Variants in SLIT2 observed in about 807,000 individuals in gnomAD.
SLIT2 encodes the protein slit homolog 2 protein.
In SLIT2, 41 loss-of-function variants were observed where a neutral mutation model predicts 185.7. The ratio of observed to expected loss-of-function variants is 0.22; its 90% CI spans 0.17 to 0.29. The LOEUF is 0.29. SLIT2 is among the 10% of genes least tolerant of loss of function. The probability of loss-of-function intolerance (pLI) is 1.00; values close to 1 mark genes in which losing one functional copy is unlikely to be tolerated. For synonymous variants in SLIT2, 693 were observed against 680.2 expected, an observed-to-expected ratio of 1.02 and a Z score of -0.29; for missense variants, 1,571 against 1,909.0, an observed-to-expected ratio of 0.82 and a Z score of 3.30.
chr4:20,349,317 T>G (rs1442943079), intron 4 of SLIT2, among the ~76,000 whole-genome samples: 1 of 152,218 alleles, frequency 6.6e-6, no homozygotes, highest in Non-Finnish European at 1.5e-5. Context: ...AATATTTTTG[T>G]TTCCATCTTA....
intron 4 of SLIT2, among the ~76,000 whole-genome samples, chr4:20,454,829 G>T (rs946046071): frequency 1.3e-5 from 2 of 152,020 alleles, no homozygotes; most frequent in Non-Finnish European, 2.9e-5. Flanking sequence ...ACCATACGTC[G>T]TGGGCAATAA....
intron 4 of SLIT2, among the ~76,000 whole-genome samples, chr4:20,420,326 T>G (rs1372592692): frequency 6.6e-6 from 1 of 152,208 alleles, no homozygotes; most frequent in Admixed American, 6.5e-5. Context: ...AGAATCATGT[T>G]GTACTTACAG....
intron 4 of SLIT2, among the ~76,000 whole-genome samples, chr4:20,327,986 A>G (rs1719741260): frequency 6.6e-6 from 1 of 152,034 alleles, no homozygotes. Flanking sequence ...TTTAGAGCAT[A>G]TTCTACATCA....
At chr4:20,618,723 A>G (rs1729866870) in intron 36 of SLIT2, 45 bp from the exon 37 acceptor site, 1 of 1,540,376 alleles carries the variant, frequency 6.5e-7, no homozygotes, top group Admixed American at 1.8e-5. Context: ...TGCATGACTT[A>G]CAGTGACTGT....
chr4:20,441,985 TAAAA>T (rs894240124), intron 4 of SLIT2, among the ~76,000 whole-genome samples: 1 of 152,070 alleles, frequency 6.6e-6, no homozygotes, highest in Non-Finnish European at 1.5e-5. Context: ...GTAGCTACAA[TAAAA>T]AACATTTAAT....
At chr4:20,471,649 C>A (rs972906395) in intron 5 of SLIT2, among the ~76,000 whole-genome samples, 1 of 152,142 alleles carries the variant, frequency 6.6e-6, no homozygotes. Context: ...ACATTCAGGC[C>A]TTAGAGCAAA....
chr4:20,422,840 C>T (rs997216126), intron 4 of SLIT2, among the ~76,000 whole-genome samples: 4 of 151,168 alleles, frequency 2.6e-5, no homozygotes, highest in Non-Finnish European at 4.4e-5. Flanking sequence ...AAATAGAGGT[C>T]GGAGTGAAGT....
chr4:20,376,684 T>G (rs897456809), intron 4 of SLIT2, among the ~76,000 whole-genome samples: 1 of 152,150 alleles, frequency 6.6e-6, no homozygotes, highest in Non-Finnish European at 1.5e-5. Flanking sequence ...GGAGTATTCC[T>G]GGGCAGCCAT....
chr4:20,608,438 A>AT (rs1162095178), intron 33 of SLIT2, among the ~76,000 whole-genome samples: 1 of 152,074 alleles, frequency 6.6e-6, no homozygotes, highest in African/African-American at 2.4e-5. Flanking sequence ...TTATAAAATA[A>AT]TTTTCTGGTC....
At chr4:20,260,544 ATTACATTT>A (rs1271299480) in intron 3 of SLIT2, among the ~76,000 whole-genome samples, 1 of 151,822 alleles carries the variant, frequency 6.6e-6, no homozygotes, top group Non-Finnish European at 1.5e-5. Flanking sequence ...ATAATTCTAA[ATTACATTT>A]TGTGAATATT....
At chr4:20,502,027 G>T (rs1420484995) in intron 9 of SLIT2, among the ~76,000 whole-genome samples, 1 of 151,846 alleles carries the variant, frequency 6.6e-6, no homozygotes, top group African/African-American at 2.4e-5. Context: ...AGTTATTTAG[G>T]TAACATACAT....
chr4:20,555,539 A>G (rs901849706), intron 26 of SLIT2, among the ~76,000 whole-genome samples: 1 of 152,118 alleles, frequency 6.6e-6, no homozygotes, highest in African/African-American at 2.4e-5. Flanking sequence ...GAAACATTCA[A>G]TATGTTAGCT....
At chr4:20,586,573 A>G (rs1165466408) in intron 29 of SLIT2, among the ~76,000 whole-genome samples, 1 of 152,204 alleles carries the variant, frequency 6.6e-6, no homozygotes, top group Admixed American at 6.5e-5. Context: ...ACCTTACCTT[A>G]TATGCTTGTA....
At chr4:20,287,400 T>C (rs962537530) in intron 4 of SLIT2, among the ~76,000 whole-genome samples, 2 of 152,186 alleles carry the variant, frequency 1.3e-5, no homozygotes, top group Non-Finnish European at 2.9e-5. Flanking sequence ...CTCTCTTCCC[T>C]GGAGTGTTTC....
chr4:20,336,228 A>T lies in SLIT2; in HGVS notation c.395+67347A>T, dbSNP rs1434500083. Among the ~76,000 whole-genome samples, 4 of 152,322 alleles carry T rather than the reference A, an allele frequency of 2.6e-5. No homozygotes were observed. The East Asian group carries it at 7.7e-4, about 29-fold the overall frequency. ...ATTTCCATTTTAATGAGCTGAAATT[A>T]GTTTTTCCTTTAATATGTGAAGACA... On this transcript the variant is annotated intron_variant, in intron 4 of 36. Transcript: ENST00000504154.
chr4:20,319,757 A>T (rs1206113546), intron 4 of SLIT2, among the ~76,000 whole-genome samples: 1 of 151,706 alleles, frequency 6.6e-6, no homozygotes, highest in Non-Finnish European at 1.5e-5. Flanking sequence ...TTCTGATTTT[A>T]GAGTCAGAGG....
chr4:20,487,988 G>A (rs1053517998), intron 7 of SLIT2, among the ~76,000 whole-genome samples: 1 of 152,178 alleles, frequency 6.6e-6, no homozygotes, highest in Admixed American at 6.5e-5. Context: ...ATGGTGCTTT[G>A]ATTTATAGCT....
At chr4:20,518,555 A>ACG (rs1720475450) in intron 11 of SLIT2, among the ~76,000 whole-genome samples, 1 of 23,276 alleles carries the variant, frequency 4.3e-5, no homozygotes, top group South Asian at 2.5e-3. Context: ...CCCAGCCTAT[A>ACG]TGTATATATA....
chr4:20,262,073 T>C (rs1409875375), intron 3 of SLIT2, among the ~76,000 whole-genome samples: 1 of 151,888 alleles, frequency 6.6e-6, no homozygotes. Flanking sequence ...ACAGTCAAGC[T>C]GTTAACTTAG....
Sources: allele counts gnomAD v4.1 joint callset (sites outside exome capture counted in the v4.1 genomes callset), GRCh38; gene constraint gnomAD v4.1.1; transcripts MANE v1.5; gene names NCBI Gene and HGNC (gene_info 2026-07-23, HGNC 2026-07-21).